Variants in DNAAF5 observed in about 807,000 individuals in gnomAD.
DNAAF5 encodes the protein HEAT repeat containing 2.
A neutral mutation model predicts 75.8 loss-of-function variants in DNAAF5; 64 were observed. The observed-to-expected ratio is 0.84, with a 90% CI of 0.69 to 1.04. The LOEUF is 1.04. Among genes scored for constraint, DNAAF5 ranks in the 50% least tolerant of loss-of-function variants. The probability of loss-of-function intolerance (pLI) is 0.00; values close to 1 mark genes in which losing one functional copy is unlikely to be tolerated. For missense variants in DNAAF5, 1,269 were observed against 1,178.5 expected (o/e 1.08, Z -1.12); for synonymous variants, 657 against 557.2 (o/e 1.18, Z -2.52).
intron 12 of DNAAF5, among the ~76,000 whole-genome samples, chr7:782,161 C>CGCAGCGTCAGAAACTCGGATCTTCGT (rs1562403953): frequency 1.0e-5 from 1 of 95,426 alleles, no homozygotes; most frequent in African/African-American, 3.5e-5. Context: ...CGGATCTTCG[C>CGCAGCGTCAGAAACTCGGATCTTCGT]GGCGTGGCCG....
At chr7:776,720 A>G (rs116953182) in intron 11 of DNAAF5, among the ~76,000 whole-genome samples, 2,304 of 152,296 alleles carry the variant, frequency 0.015, 37 homozygotes, top group East Asian at 0.11. Flanking sequence ...GAACAGAGTC[A>G]TGAATTCAGA....
rs78705804 is a variant in DNAAF5 at position 731,409 on chromosome 7, G to A, written c.780+1562G>A. Among the ~76,000 whole-genome samples the A allele has an allele frequency of 9.2e-5, 14 of 152,264 alleles. No homozygotes were observed. In the East Asian group the frequency reaches 2.5e-3, roughly 27 times the overall value. ...TGGAACTCTATTGCTAGCTGTAAAC[G>A]GTGTAACTCAGTATAACTATACCGT... On this transcript the variant is annotated intron_variant, in intron 2 of 12. Coordinates refer to ENST00000297440, the MANE Select transcript of DNAAF5 (RefSeq NM_017802.4).
intron 12 of DNAAF5, among the ~76,000 whole-genome samples, chr7:782,170 C>G (rs6965219): frequency 0.15 from 20,990 of 139,726 alleles, 2,550 homozygotes; most frequent in East Asian, 0.25. Context: ...GCGGCGTGGC[C>G]GCCTCCCGAC....
chr7:758,821 T>C (rs939999976), intron 6 of DNAAF5, among the ~76,000 whole-genome samples: 12 of 152,148 alleles, frequency 7.9e-5, no homozygotes, highest in African/African-American at 2.9e-4. Context: ...TAGCTGGGAT[T>C]ACAGGCATGC....
chr7:782,950 G>A (rs1779023337), intron 12 of DNAAF5, among the ~76,000 whole-genome samples: 1 of 152,186 alleles, frequency 6.6e-6, no homozygotes, highest in South Asian at 2.1e-4. Context: ...AACTCGGATC[G>A]TCCTGGGGTG....
Position 729,689 on chromosome 7 carries a change from C to A in DNAAF5, c.622C>A (p.Leu208Met). The change falls in exon 2 of 13, where the codon CTG becomes ATG. Residue 208 changes from leucine to methionine, a missense_variant. Leu to Met is a conservative substitution (Grantham distance 15). Transcript: ENST00000297440. The stretch of plus-strand genomic sequence containing the variant: ...CCACTTCCACATGCAGTCGGAGTCT[C>A]TGATCGGGCCCCTGATGCAGACCAT... ...PDHFHMQSES[L>M]IGPLMQTISH... The A allele has an allele frequency of 1.2e-6, 2 of 1,614,036 alleles. No individual in the cohort carries two copies. The highest frequency in any genetic ancestry group is 1.7e-6 in the Non-Finnish European group (2 of 1,180,024).
chr7:753,768 G>A (rs113918774), intron 4 of DNAAF5, among the ~76,000 whole-genome samples: 3 of 136,766 alleles, frequency 2.2e-5, no homozygotes, highest in African/African-American at 2.8e-5. Context: ...CGACGGCTTC[G>A]CAGGCGTGTC....
At chr7:776,179 TAAA>T (rs1404703748) in intron 11 of DNAAF5, among the ~76,000 whole-genome samples, 1 of 151,644 alleles carries the variant, frequency 6.6e-6, no homozygotes, top group African/African-American at 2.4e-5. Context: ...CTACTAAAAA[TAAA>T]AAAATTAGCT....
At chr7:781,716 T>C (rs1778951982) in intron 12 of DNAAF5, among the ~76,000 whole-genome samples, 1 of 152,204 alleles carries the variant, frequency 6.6e-6, no homozygotes, top group African/African-American at 2.4e-5. Context: ...GTCTCACTTG[T>C]TTCTATGTGC....
chr7:753,433 G>A (rs1782368879), intron 4 of DNAAF5, among the ~76,000 whole-genome samples: 1 of 152,246 alleles, frequency 6.6e-6, no homozygotes, highest in African/African-American at 2.4e-5. Context: ...GACAGATCCA[G>A]GGGTGCCGGG....
chr7:778,419 G>C (rs1266829092), intron 11 of DNAAF5: 1 of 152,228 alleles, frequency 6.6e-6, no homozygotes, highest in Non-Finnish European at 1.5e-5. Flanking sequence ...TGAGTTGGGA[G>C]CACAGACATC....
chr7:726,976 A>G lies in DNAAF5; in HGVS notation c.256A>G (p.Ser86Gly), dbSNP rs1276395269. ...LLLPRLLRCL[S>G]DPAEGCRALA... ...GCTGCCGCGCTTGCTGCGCTGCCTG[A>G]GCGACCCCGCCGAGGGCTGCCGCGC... The change falls in exon 1 of 13, where the codon AGC becomes GGC. Residue 86 changes from serine (S) to glycine (G), a missense_variant. Physicochemically the swap from Ser to Gly is moderately conservative, Grantham distance 56. Transcript: ENST00000297440. 7.7e-7 allele frequency: 1 copy of G among 1,301,646 alleles called. No individual in the cohort carries two copies. Among genetic ancestry groups the G allele is most frequent in the African/African-American group, 1.6e-5 (1 of 63,892 alleles). 80.6% of individuals were successfully genotyped at this position (1,301,646 alleles called of 1,614,324 possible).
At chr7:757,957 A>G (rs1370275596) in intron 6 of DNAAF5, among the ~76,000 whole-genome samples, 3 of 152,118 alleles carry the variant, frequency 2.0e-5, no homozygotes, top group Non-Finnish European at 4.4e-5. Context: ...CCTCAGAACG[A>G]GAGGTGGGGC....
intron 8 of DNAAF5, among the ~76,000 whole-genome samples, chr7:764,523 G>C (rs1232063971): frequency 6.6e-6 from 1 of 152,178 alleles, no homozygotes; most frequent in Non-Finnish European, 1.5e-5. Context: ...GCTGCTCCAC[G>C]GGCCGTGAAC....
chr7:741,493 C>A (rs1177349694), intron 4 of DNAAF5, 28 bp downstream of exon 4: 1 of 1,382,522 alleles, frequency 7.2e-7, no homozygotes, highest in East Asian at 2.4e-5. Context: ...AGGGGAGCGC[C>A]AGGAGGCGAG....
At chr7:760,715 T>G (rs1426877079) in intron 6 of DNAAF5, among the ~76,000 whole-genome samples, 1 of 152,174 alleles carries the variant, frequency 6.6e-6, no homozygotes. Context: ...AATTCTTGGG[T>G]CCAGCACACG....
rs1001995328 is a variant in DNAAF5, at chr7:729,863, C to T, written c.780+16C>T. ...CGTCCCGCAGGTAACTGGTGTTTCT[C>T]CTGGACAGTCTGTTCCTCTCTCCAA... is the stretch of plus-strand genomic sequence containing the variant. On this transcript the variant is annotated intron_variant, in intron 2 of 12. Coordinates refer to ENST00000297440, the MANE Select transcript of DNAAF5 (RefSeq NM_017802.4). 8.1e-6 allele frequency: 13 copies of T among 1,613,080 alleles called. No individual in the cohort carries two copies. The African/African-American group carries it at 1.1e-4, about 13-fold the overall frequency.
chr7:771,576 C>T (rs531726387), intron 9 of DNAAF5: 3 of 152,428 alleles, frequency 2.0e-5, no homozygotes, highest in South Asian at 4.1e-4. Context: ...GCCCGCCTGT[C>T]GTACTGCAGG....
rs780385334 is a variant in DNAAF5 at position 741,310 on chromosome 7, T to G, written c.906-37T>G. The G allele has an allele frequency of 2.0e-6, 3 of 1,511,952 alleles. No individual in the cohort carries two copies. The South Asian group carries it at 3.5e-5, about 18-fold the overall frequency. 93.7% of individuals were successfully genotyped at this position (1,511,952 alleles called of 1,614,324 possible). On this transcript the variant is annotated intron_variant, in intron 3 of 12. Coordinates refer to ENST00000297440, the MANE Select transcript of DNAAF5 (RefSeq NM_017802.4). The stretch of plus-strand genomic sequence containing the variant: ...GCCCTGCGGCCTCCCCTGCGTGCCC[T>G]GCCCTGAGCCACTGTTGTCTGTCTG...
Sources: gnomAD v4.1 joint callset for allele counts (sites outside exome capture counted in the v4.1 genomes callset) on GRCh38, gnomAD v4.1.1 for gene constraint, MANE v1.5 for transcripts, NCBI Gene and HGNC (gene_info 2026-07-23, HGNC 2026-07-21) for gene names.